The following PPP2R5E variants were observed in gnomAD, a reference collection of about 807,000 sequenced individuals.
PPP2R5E encodes the protein protein phosphatase 2 regulatory subunit B'epsilon, also known as serine/threonine-protein phosphatase 2A 56 kDa regulatory subunit epsilon isoform.
Under a neutral mutation model 65.3 loss-of-function variants are expected in PPP2R5E, and 4 were observed. The observed-to-expected ratio is 0.06, with a 90% confidence interval of 0.03 to 0.14. The LOEUF is 0.14. Among genes scored for constraint, PPP2R5E ranks in the 10% least tolerant of loss-of-function variants. The pLI, the probability that PPP2R5E is intolerant of heterozygous loss-of-function variation, is 1.00. For synonymous variants in PPP2R5E, 183 were observed against 187.4 expected (o/e 0.98, Z 0.19); for missense variants, 274 against 556.1 (o/e 0.49, Z 5.10).
intron 2 of PPP2R5E, among the ~76,000 whole-genome samples, chr14:63,478,756 G>A (rs1890540779): frequency 1.3e-5 from 2 of 152,062 alleles, no homozygotes; most frequent in African/African-American, 2.4e-5. Flanking sequence ...ATGAGAACCT[G>A]GCTCCAATGC....
chr14:63,401,632 G>A (rs774743115), intron 5 of PPP2R5E, among the ~76,000 whole-genome samples: 20 of 152,072 alleles, frequency 1.3e-4, no homozygotes, highest in African/African-American at 4.8e-4. Flanking sequence ...CTAGGCAGGG[G>A]GATTGAACCT....
At chr14:63,400,707 A>AAAAAAAAAAAAG (rs1885704344) in intron 5 of PPP2R5E, among the ~76,000 whole-genome samples, 1 of 151,302 alleles carries the variant, frequency 6.6e-6, no homozygotes, top group African/African-American at 2.4e-5. Flanking sequence ...GCCAAAAAAA[A>AAAAAAAAAAAAG]AAGGCCCCAT....
intron 5 of PPP2R5E, among the ~76,000 whole-genome samples, chr14:63,410,749 G>C (rs900868605): frequency 1.3e-5 from 2 of 152,116 alleles, no homozygotes; most frequent in Admixed American, 6.5e-5. Flanking sequence ...AGGTGCCCAG[G>C]GCTTATTCCC....
intron 5 of PPP2R5E, among the ~76,000 whole-genome samples, chr14:63,405,297 T>TA (rs139511557): frequency 0.015 from 2,208 of 152,250 alleles, 59 homozygotes; most frequent in African/African-American, 0.05. Flanking sequence ...GTTTGGAAAA[T>TA]AGTTCTTTGT....
chr14:63,541,781 A>T (rs1893913391), intron 1 of PPP2R5E, among the ~76,000 whole-genome samples: 1 of 152,170 alleles, frequency 6.6e-6, no homozygotes, highest in Admixed American at 6.6e-5. Context: ...CACACATATG[A>T]TGTTGACGTT....
Position 63,441,521 on chromosome 14 carries a change from T to C in PPP2R5E, c.354+12168A>G, listed in dbSNP as rs537680052. Among the ~76,000 whole-genome samples, 313 of 152,344 alleles carry C rather than the reference T, an allele frequency of 2.1e-3. 3 individuals carry two copies. Among genetic ancestry groups the C allele is most frequent in the Non-Finnish European group, 7.1e-4 (48 of 68,038 alleles). On this transcript the variant is annotated intron_variant, in intron 3 of 13. Coordinates refer to ENST00000337537, the MANE Select transcript of PPP2R5E (RefSeq NM_006246.5). The stretch of plus-strand genomic sequence containing the variant: ...AAGTGAGCAGCATCCAGCATAGATA[T>C]TTAGTGCACACAGGGTAAAATCGCG...
intron 2 of PPP2R5E, among the ~76,000 whole-genome samples, chr14:63,521,620 G>A (rs369651600): frequency 1.3e-5 from 2 of 152,146 alleles, no homozygotes; most frequent in African/African-American, 2.4e-5. Context: ...CTGAGATCAC[G>A]CCACTGCACT....
chr14:63,539,692 A>C lies in PPP2R5E; in HGVS notation c.-7T>G. 1 of 1,611,964 alleles carries C rather than the reference A, an allele frequency of 6.2e-7. No homozygotes were observed. Among genetic ancestry groups the C allele is most frequent in the African/African-American group, 1.3e-5 (1 of 74,992 alleles). On this transcript the variant is annotated splice_region_variant and 5_prime_UTR_variant, in exon 2 of 14. Transcript: ENST00000337537. Reference sequence around the variant, plus strand: ...TAGTTGGTGCTGAGGACATATCCCTACTGAAGAGAAAGAAGTATCATAAAC... The same window carrying C: ...TAGTTGGTGCTGAGGACATATCCCTCCTGAAGAGAAAGAAGTATCATAAAC...
At chr14:63,530,043 G>T (rs1255419682) in intron 2 of PPP2R5E, among the ~76,000 whole-genome samples, 1 of 152,026 alleles carries the variant, frequency 6.6e-6, no homozygotes, top group Admixed American at 6.6e-5. Flanking sequence ...GAGAGAGAAC[G>T]TGAATGGAAG....
chr14:63,455,413 T>C (rs764138767), intron 2 of PPP2R5E, among the ~76,000 whole-genome samples: 27 of 152,206 alleles, frequency 1.8e-4, no homozygotes, highest in Non-Finnish European at 3.8e-4. Flanking sequence ...TCTTTGAATG[T>C]ATAGCATCAC....
rs1883774509 is a variant in PPP2R5E, at chr14:63,373,029, A to G, written c.*2980T>C. 1 of 152,342 alleles carries G rather than the reference A, an allele frequency of 6.6e-6. No individual in the cohort carries two copies. Among genetic ancestry groups the G allele is most frequent in the East Asian group, 1.9e-4 (1 of 5,192 alleles). The allele number at this position is 152,342 out of a possible 1,614,324, so 9.4% of individuals were successfully genotyped here. A position where few individuals can be genotyped will look rare whatever the true frequency, so the allele number is the denominator to read the frequency against. On this transcript the variant is annotated 3_prime_UTR_variant, in exon 14 of 14. Transcript: ENST00000337537. The stretch of plus-strand genomic sequence containing the variant: ...ACACTGAAGGAAAACAACTGGGGAT[A>G]CTTCACAATGAGAAACAGGAATGCA...
At chr14:63,402,805 G>A (rs1044481505) in intron 5 of PPP2R5E, among the ~76,000 whole-genome samples, 1 of 151,942 alleles carries the variant, frequency 6.6e-6, no homozygotes, top group African/African-American at 2.4e-5. Context: ...CAGAAAAACA[G>A]AAAATGAAGA....
In PPP2R5E at chr14:63,375,959, A is replaced by G. The variant is rs759551784; in HGVS notation, c.*50T>C. ...GAAAACTGTTGCTCCATCTTCTACTACATAAACGTGTGACTCCACAGGTTA... is the reference window on the plus strand; with the variant it reads ...GAAAACTGTTGCTCCATCTTCTACTGCATAAACGTGTGACTCCACAGGTTA... On this transcript the variant is annotated 3_prime_UTR_variant, in exon 14 of 14. Coordinates refer to ENST00000337537, the MANE Select transcript of PPP2R5E (RefSeq NM_006246.5). 2.3e-6 allele frequency: 3 copies of G among 1,300,748 alleles called. No individual in the cohort carries two copies. The highest frequency in any genetic ancestry group is 3.3e-6 in the Non-Finnish European group (3 of 905,408). 80.6% of individuals were successfully genotyped at this position (1,300,748 alleles called of 1,614,324 possible). A position where few individuals can be genotyped will look rare whatever the true frequency, so the allele number is the denominator to read the frequency against.
chr14:63,500,792 G>A (rs895434224), intron 2 of PPP2R5E, among the ~76,000 whole-genome samples: 1 of 151,826 alleles, frequency 6.6e-6, no homozygotes, highest in Non-Finnish European at 1.5e-5. Flanking sequence ...CTCGAGCCTG[G>A]GATTTTAAGG....
Position 63,381,058 on chromosome 14 carries a change from T to G in PPP2R5E, c.1304+998A>C, listed in dbSNP as rs1162211053. 2.6e-5 allele frequency among the ~76,000 whole-genome samples: 4 copies of G among 152,182 alleles called. No homozygotes were observed. The East Asian group carries it at 7.7e-4, about 29-fold the overall frequency. ...GATATACAAAGCTGACATCTGCTTA[T>G]GGATGATCAAAGCCAAACCACAGGC... On this transcript the variant is annotated intron_variant, in intron 13 of 13. Coordinates refer to ENST00000337537, the MANE Select transcript of PPP2R5E (RefSeq NM_006246.5).
chr14:63,410,931 AG>A (rs1444902898), intron 5 of PPP2R5E, among the ~76,000 whole-genome samples: 1 of 152,216 alleles, frequency 6.6e-6, no homozygotes, highest in African/African-American at 2.4e-5. Context: ...AAAGTAAAGA[AG>A]GCAACAATTG....
chr14:63,396,367 G>A (rs1344328314), intron 6 of PPP2R5E, among the ~76,000 whole-genome samples: 4 of 106,964 alleles, frequency 3.7e-5, no homozygotes, highest in African/African-American at 1.4e-4. Flanking sequence ...GAGAAGATGG[G>A]GGAGGAGAGG....
intron 5 of PPP2R5E, among the ~76,000 whole-genome samples, chr14:63,397,809 C>T (rs543253278): frequency 5.3e-5 from 8 of 151,584 alleles, no homozygotes; most frequent in African/African-American, 1.9e-4. Flanking sequence ...CTGCAACCTC[C>T]GCCTCCTGTG....
chr14:63,534,203 T>C (rs1003614997), intron 2 of PPP2R5E, among the ~76,000 whole-genome samples: 26 of 152,182 alleles, frequency 1.7e-4, no homozygotes, highest in Admixed American at 1.7e-3. Flanking sequence ...TTAGTTTGAC[T>C]GTCTTACTCA....
Sources: allele counts gnomAD v4.1 joint callset (sites outside exome capture counted in the v4.1 genomes callset), GRCh38; gene constraint gnomAD v4.1.1; transcripts MANE v1.5; gene names NCBI Gene and HGNC (gene_info 2026-07-23, HGNC 2026-07-21).